The following SFRP1 variants were observed in gnomAD, a reference collection of about 807,000 sequenced individuals.
SFRP1 encodes the protein secreted frizzled-related protein 1.
Under a neutral mutation model 25.9 loss-of-function variants are expected in SFRP1, and 9 were observed. The observed-to-expected ratio is 0.35, with a 90% CI of 0.21 to 0.61. The LOEUF is 0.61. SFRP1 is among the 20% of genes least tolerant of loss of function. The pLI is 0.78. For missense variants in SFRP1, 346 were observed against 418.2 expected (o/e 0.83, Z 1.51); for synonymous variants, 178 against 174.0 (o/e 1.02, Z -0.18).
chr8:41,308,001 G>A (rs1202355609), intron 1 of SFRP1, among the ~76,000 whole-genome samples: 1 of 152,226 alleles, frequency 6.6e-6, no homozygotes, highest in East Asian at 1.9e-4. Context: ...AAGGGGTGGA[G>A]AAACAGAAGT....
intron 2 of SFRP1, among the ~76,000 whole-genome samples, chr8:41,291,269 TCTGTGTTA>T (rs1157900205): frequency 6.6e-6 from 1 of 152,100 alleles, no homozygotes; most frequent in Non-Finnish European, 1.5e-5. Context: ...TCCCAGTGTC[TCTGTGTTA>T]CCAACAAGGC....
chr8:41,269,079 T>G (rs1477515592), intron 2 of SFRP1, among the ~76,000 whole-genome samples: 1 of 152,184 alleles, frequency 6.6e-6, no homozygotes, highest in East Asian at 1.9e-4. Context: ...TGGGTACTTC[T>G]GGGAGACAGC....
intron 2 of SFRP1, among the ~76,000 whole-genome samples, chr8:41,299,175 T>C (rs555808037): frequency 6.6e-6 from 1 of 151,484 alleles, no homozygotes; most frequent in Admixed American, 6.6e-5. Context: ...ACACCTCTAG[T>C]GCACTAAGCA....
chr8:41,309,065 C>A lies in SFRP1; in HGVS notation c.95G>T (p.Ser32Ile). 6.2e-7 allele frequency: 1 copy of A among 1,601,034 alleles called. No homozygotes were observed. Among genetic ancestry groups the A allele is most frequent in the Non-Finnish European group, 8.5e-7 (1 of 1,179,128 alleles). The change falls in exon 1 of 3, where the codon AGC (serine) becomes ATC (isoleucine). Residue 32 changes from serine (S) to isoleucine (I), a missense_variant. Transcript: ENST00000220772. The stretch of plus-strand genomic sequence containing the variant: ...CTGGAAGCTCACGTAGTCGTACTCG[C>A]TGGCCGAGCCCACGGCCAGAAGCGC... ...GAALLAVGSA[S>I]EYDYVSFQSD...
intron 2 of SFRP1, among the ~76,000 whole-genome samples, chr8:41,288,321 C>A (rs1458296943): frequency 1.3e-5 from 2 of 151,852 alleles, no homozygotes; most frequent in African/African-American, 4.8e-5. Flanking sequence ...CGTGCCATTG[C>A]ACTCCAGCCT....
In SFRP1 at chr8:41,309,340, G is replaced by A. The variant is rs1804043464; in HGVS notation, c.-181C>T. 4.9e-6 allele frequency: 3 copies of A among 610,270 alleles called. No individual in the cohort carries two copies. Among genetic ancestry groups the A allele is most frequent in the African/African-American group, 3.9e-5 (2 of 51,158 alleles). 37.8% of individuals were successfully genotyped at this position (610,270 alleles called of 1,614,324 possible). The stretch of plus-strand genomic sequence containing the variant: ...GGCCAGTGGCGGCCCTCGGCCTGCG[G>A]TCGGAGGCGGCGCGGGCGGGGAGGC... On this transcript the variant is annotated 5_prime_UTR_variant, in exon 1 of 3. Transcript: ENST00000220772.
chr8:41,306,044 C>T (rs1221646943), intron 1 of SFRP1, among the ~76,000 whole-genome samples: 3 of 152,204 alleles, frequency 2.0e-5, no homozygotes, highest in African/African-American at 4.8e-5. Flanking sequence ...AGGGAAACAA[C>T]AATGCATCAG....
intron 2 of SFRP1, among the ~76,000 whole-genome samples, chr8:41,274,066 G>C (rs944264621): frequency 1.3e-5 from 2 of 152,178 alleles, no homozygotes; most frequent in Non-Finnish European, 2.9e-5. Flanking sequence ...GGCCTCCTGG[G>C]GGCTTTCAGG....
chr8:41,285,926 T>TG, intron 2 of SFRP1, among the ~76,000 whole-genome samples: 2 of 150,954 alleles, frequency 1.3e-5, no homozygotes, highest in Non-Finnish European at 2.9e-5. Context: ...AGTTTTGGGG[T>TG]ATGGGTCCCC....
In SFRP1 at chr8:41,263,332, G is replaced by A. The variant is rs1389165121; in HGVS notation, c.*1835C>T. The A allele has an allele frequency of 2.6e-5, 4 of 152,472 alleles. No homozygotes were observed. The highest frequency in any genetic ancestry group is 4.8e-5 in the African/African-American group (2 of 41,416). 9.4% of individuals were successfully genotyped at this position (152,472 alleles called of 1,614,324 possible). A position where few individuals can be genotyped will look rare whatever the true frequency, so the allele number is the denominator to read the frequency against. On this transcript the variant is annotated 3_prime_UTR_variant, in exon 3 of 3. Transcript: ENST00000220772. ...TCACTTAAGGTCCCCAGCACTTTAC[G>A]ATGAAAGGTCAGAGAGAACCCCACA... is the stretch of plus-strand genomic sequence containing the variant.
chr8:41,308,541 T>C, intron 1 of SFRP1, 75 bp downstream of exon 1: 1 of 1,234,000 alleles, frequency 8.1e-7, no homozygotes, highest in Non-Finnish European at 1.1e-6. Context: ...GGGCGTAGGG[T>C]GGCGCGGGTT....
chr8:41,284,846 G>A (rs1198510880), intron 2 of SFRP1, among the ~76,000 whole-genome samples: 1 of 152,224 alleles, frequency 6.6e-6, no homozygotes, highest in Admixed American at 6.5e-5. Flanking sequence ...CCCCCAGGCT[G>A]CAAGGCCAAG....
At chr8:41,302,927 G>A (rs970068895) in intron 2 of SFRP1, among the ~76,000 whole-genome samples, 2 of 151,816 alleles carry the variant, frequency 1.3e-5, no homozygotes, top group Non-Finnish European at 1.5e-5. Context: ...TTTGCCTCGC[G>A]GAACCTGATG....
chr8:41,293,007 A>T (rs1803796569), intron 2 of SFRP1, among the ~76,000 whole-genome samples: 1 of 152,240 alleles, frequency 6.6e-6, no homozygotes. Context: ...GAGTGGAAGC[A>T]GCGGCTGCGG....
chr8:41,282,141 G>C (rs1419375341), intron 2 of SFRP1, among the ~76,000 whole-genome samples: 1 of 152,212 alleles, frequency 6.6e-6, no homozygotes, highest in Non-Finnish European at 1.5e-5. Context: ...CACTGTCCCT[G>C]GTTTGCCTGC....
intron 2 of SFRP1, among the ~76,000 whole-genome samples, chr8:41,269,870 G>A (rs7013368): frequency 0.33 from 50,902 of 152,130 alleles, 8,926 homozygotes; most frequent in Middle Eastern, 0.38. Flanking sequence ...AAGTACAGAG[G>A]GAAAGAGGGA....
chr8:41,281,456 G>T (rs987144504), intron 2 of SFRP1, among the ~76,000 whole-genome samples: 1 of 152,242 alleles, frequency 6.6e-6, no homozygotes, highest in African/African-American at 2.4e-5. Context: ...CATAGCTAGA[G>T]GCAAAGTCCC....
chr8:41,284,103 G>C (rs1803668925), intron 2 of SFRP1, among the ~76,000 whole-genome samples: 1 of 152,188 alleles, frequency 6.6e-6, no homozygotes, highest in Non-Finnish European at 1.5e-5. Context: ...TGCACATCTA[G>C]AGTGGCTGAC....
At chr8:41,283,195 C>T (rs1222742418) in intron 2 of SFRP1, among the ~76,000 whole-genome samples, 3 of 152,158 alleles carry the variant, frequency 2.0e-5, no homozygotes, top group South Asian at 4.2e-4. Flanking sequence ...CCCTTTGCTA[C>T]AATAAAAAGT....
Sources: allele counts gnomAD v4.1 joint callset (sites outside exome capture counted in the v4.1 genomes callset), GRCh38; gene constraint gnomAD v4.1.1; transcripts MANE v1.5; gene names NCBI Gene and HGNC (gene_info 2026-07-23, HGNC 2026-07-21).